RANBP10: variants seen among roughly 807,000 people sequenced by gnomAD.
The protein encoded by RANBP10 is ran-binding protein 10.
Under a neutral mutation model 72.8 loss-of-function variants are expected in RANBP10, and 24 were observed. The observed-to-expected ratio is 0.33, with a 90% CI of 0.24 to 0.46. The LOEUF (loss-of-function observed/expected upper bound fraction) is 0.46, where lower values mean the gene tolerates loss of function less well. Ranked by LOEUF, RANBP10 falls within the 20% of genes least tolerant of loss-of-function variation. RANBP10 has a pLI of 1.00. For synonymous variants in RANBP10, 310 were observed against 322.3 expected (o/e 0.96, Z 0.41); for missense variants, 679 against 817.5 (o/e 0.83, Z 2.07).
rs1272134592 is a variant in RANBP10 at position 67,726,555 on chromosome 16, G to A, written c.1736C>T (p.Ser579Phe). 4 of 1,554,744 alleles carry A rather than the reference G, an allele frequency of 2.6e-6. No individual in the cohort carries two copies. Among genetic ancestry groups the A allele is most frequent in the Middle Eastern group, 1.7e-4 (1 of 5,990 alleles). ...AGGGGGCTGCTTTGGCAGGTTCTGG[G>A]ACTCTGTGGAGGAAAGACAAGGCCT... is the stretch of plus-strand genomic sequence containing the variant. ...CAALNSAILE[S>F]QNLPKQPPLM... Residue 579 changes from serine (S) to phenylalanine (F), a missense_variant, in exon 14 of 14, where the codon TCC becomes TTC. Transcript: ENST00000317506.
chr16:67,730,187 G>C lies in RANBP10; in HGVS notation c.890-141C>G. On this transcript the variant is annotated intron_variant, in intron 7 of 13. Coordinates refer to ENST00000317506, the MANE Select transcript of RANBP10 (RefSeq NM_020850.3). This position sits in a 1 kb window ranked among gnomAD's most constrained non-coding sequence, Gnocchi z 4.3. Reference sequence around the variant, plus strand: ...GAAATGCTCACAGGAGAGGAGGCTGGAGAAAGAACCTGACTGCCCAGCCCA... The same window carrying C: ...GAAATGCTCACAGGAGAGGAGGCTGCAGAAAGAACCTGACTGCCCAGCCCA... The C allele has an allele frequency of 1.4e-6, 1 of 708,366 alleles. No homozygotes were observed. The highest frequency in any genetic ancestry group is 2.4e-6 in the Non-Finnish European group (1 of 422,130). 43.9% of individuals were successfully genotyped at this position (708,366 alleles called of 1,614,324 possible).
rs139172917 is a variant in RANBP10 at position 67,725,655 on chromosome 16, C to G, written c.*773G>C. ...TGGGCCAAGTTATCACTTCTCTGGA[C>G]CCTTGGCCCTGTAGTTCTCTGCTCT... On this transcript the variant is annotated 3_prime_UTR_variant, in exon 14 of 14. Coordinates refer to ENST00000317506, the MANE Select transcript of RANBP10 (RefSeq NM_020850.3). 6 of 152,310 alleles carry G rather than the reference C, an allele frequency of 3.9e-5. No individual in the cohort carries two copies. Among genetic ancestry groups the G allele is most frequent in the Admixed American group, 3.9e-4 (6 of 15,266 alleles). 9.4% of individuals were successfully genotyped at this position (152,310 alleles called of 1,614,324 possible). A position where few individuals can be genotyped will look rare whatever the true frequency, so the allele number is the denominator to read the frequency against.
rs556862759 is a variant in RANBP10, at chr16:67,725,458, G to C, written c.*970C>G. ...CACAGAAGCTCTCAGGACGAAGGCA[G>C]GTAGTTTCCAGGCAATCAATTTAGA... On this transcript the variant is annotated 3_prime_UTR_variant, in exon 14 of 14. Coordinates refer to ENST00000317506, the MANE Select transcript of RANBP10 (RefSeq NM_020850.3). 6.6e-6 allele frequency: 1 copy of C among 152,666 alleles called. No individual in the cohort carries two copies. The highest frequency in any genetic ancestry group is 6.5e-5 in the Admixed American group (1 of 15,278). The allele number at this position is 152,666 out of a possible 1,614,324, so 9.5% of individuals were successfully genotyped here.
Position 67,734,990 on chromosome 16 carries a change from G to A in RANBP10, c.644C>T (p.Ala215Val). The change falls in exon 6 of 14, where the codon GCC becomes GTC. Residue 215 changes from alanine (A) to valine (V), a missense_variant. Physicochemically the swap from Ala to Val is moderately conservative, Grantham distance 64. Coordinates refer to ENST00000317506, the MANE Select transcript of RANBP10 (RefSeq NM_020850.3). ...CAGGAAGGGCTGCTGCCCAAAGTTG[G>A]CGTCCACAATCTCCCCAGGTGTCTG... ...GLQTPGEIVD[A>V]NFGQQPFLFD... 6.2e-7 allele frequency: 1 copy of A among 1,613,914 alleles called. No homozygotes were observed. Among genetic ancestry groups the A allele is most frequent in the Non-Finnish European group, 8.5e-7 (1 of 1,179,868 alleles).
intron 6 of RANBP10, among the ~76,000 whole-genome samples, chr16:67,733,975 T>C (rs1292602501): frequency 6.6e-6 from 1 of 152,214 alleles, no homozygotes; most frequent in Non-Finnish European, 1.5e-5. Flanking sequence ...AAGGAAGTCC[T>C]TGTCATCTGC....
At chr16:67,762,158 G>C (rs186908635) in intron 3 of RANBP10, among the ~76,000 whole-genome samples, 1 of 152,080 alleles carries the variant, frequency 6.6e-6, no homozygotes, top group African/African-American at 2.4e-5. Flanking sequence ...CCAGCTACTC[G>C]GGAAGCTGAG....
chr16:67,769,497 G>A (rs2054568646), intron 3 of RANBP10, among the ~76,000 whole-genome samples: 2 of 136,018 alleles, frequency 1.5e-5, no homozygotes, highest in South Asian at 2.4e-4. Context: ...TGTAATCCCA[G>A]CACTTTGGGA....
intron 2 of RANBP10, among the ~76,000 whole-genome samples, chr16:67,779,413 A>C (rs1443134506): frequency 3.3e-5 from 5 of 152,054 alleles, no homozygotes; most frequent in Admixed American, 6.6e-5. Flanking sequence ...AAAAAAAAAA[A>C]AACACAGCGA....
chr16:67,798,983 T>C (rs2055183245), intron 2 of RANBP10, among the ~76,000 whole-genome samples: 1 of 152,212 alleles, frequency 6.6e-6, no homozygotes, highest in African/African-American at 2.4e-5. Context: ...TGGAGAGCAG[T>C]GGCGTGATCT....
chr16:67,760,867 C>T (rs1414164317), intron 3 of RANBP10, among the ~76,000 whole-genome samples: 2 of 152,288 alleles, frequency 1.3e-5, no homozygotes, highest in Middle Eastern at 3.4e-3. Context: ...CTGGCTCTGG[C>T]TGAGGCACAA....
intron 3 of RANBP10, among the ~76,000 whole-genome samples, chr16:67,763,843 C>T (rs552964571): frequency 2.6e-5 from 4 of 152,168 alleles, no homozygotes; most frequent in African/African-American, 4.8e-5. Context: ...TGTAGGCGCA[C>T]GCCACCACGC....
intron 10 of RANBP10, 91 bp from the exon 11 acceptor site, chr16:67,728,602 C>T: frequency 6.3e-7 from 1 of 1,599,884 alleles, no homozygotes; most frequent in Non-Finnish European, 8.5e-7. Context: ...CCATGGGTTG[C>T]TGTGGGTGAA....
intron 2 of RANBP10, among the ~76,000 whole-genome samples, chr16:67,775,541 G>A (rs1004473354): frequency 3.3e-5 from 5 of 151,922 alleles, no homozygotes; most frequent in African/African-American, 1.2e-4. Flanking sequence ...TGCCAGGTGT[G>A]GTGGCTCATG....
chr16:67,782,899 T>C (rs1444131379), intron 2 of RANBP10, among the ~76,000 whole-genome samples: 1 of 152,170 alleles, frequency 6.6e-6, no homozygotes, highest in Non-Finnish European at 1.5e-5. Flanking sequence ...AAAGCCACTT[T>C]TAAGAGTAAT....
At chr16:67,765,199 CAAAAAA>C (rs569942198) in intron 3 of RANBP10, among the ~76,000 whole-genome samples, 2 of 11,642 alleles carry the variant, frequency 1.7e-4, no homozygotes, top group Non-Finnish European at 2.2e-4. Flanking sequence ...GACTCCATCT[CAAAAAA>C]AAAAAAAAAA....
chr16:67,744,157 C>T (rs2054023441), intron 4 of RANBP10, 131 bp downstream of exon 4: 1 of 1,485,130 alleles, frequency 6.7e-7, no homozygotes. Context: ...GAAAGGGCTC[C>T]AATGCCTGGA....
rs754149646 is a variant in RANBP10 at position 67,731,417 on chromosome 16, G to A, written c.889+55C>T. On this transcript the variant is annotated intron_variant, in intron 7 of 13. Coordinates refer to ENST00000317506, the MANE Select transcript of RANBP10 (RefSeq NM_020850.3). ...TTAACCAGGGTTGACATGAGCCAGA[G>A]AGCAGAGTTAGGGACAGGTGAGGAA... 57 of 1,457,890 alleles carry A rather than the reference G, an allele frequency of 3.9e-5. No individual in the cohort carries two copies. The South Asian group carries it at 5.1e-4, about 13-fold the overall frequency. 90.3% of individuals were successfully genotyped at this position (1,457,890 alleles called of 1,614,324 possible).
intron 2 of RANBP10, among the ~76,000 whole-genome samples, chr16:67,791,075 G>A (rs1482856025): frequency 4.7e-5 from 7 of 147,740 alleles, no homozygotes; most frequent in Admixed American, 2.0e-4. Context: ...GTGCATTGGC[G>A]CAATCTCGGC....
intron 2 of RANBP10, among the ~76,000 whole-genome samples, chr16:67,779,609 T>C (rs1361033455): frequency 1.3e-5 from 2 of 151,996 alleles, no homozygotes; most frequent in Admixed American, 1.3e-4. Flanking sequence ...TGCAGGCACC[T>C]GAATATGGCT....
Sources: gnomAD v4.1 joint callset for allele counts (sites outside exome capture counted in the v4.1 genomes callset) on GRCh38, gnomAD v4.1.1 for gene constraint, Gnocchi (gnomAD v3.1) non-coding constraint, MANE v1.5 for transcripts, NCBI Gene and HGNC (gene_info 2026-07-23, HGNC 2026-07-21) for gene names.